The following PRKG1 variants were observed in gnomAD, a reference collection of about 807,000 sequenced individuals.
PRKG1 encodes cGMP-dependent protein kinase 1.
Under a neutral mutation model 88.1 loss-of-function variants are expected in PRKG1, and 35 were observed. The ratio of observed to expected loss-of-function variants is 0.40; its 90% CI spans 0.30 to 0.53. The LOEUF (loss-of-function observed/expected upper bound fraction) is 0.53, where lower values mean the gene tolerates loss of function less well. Ranked by LOEUF, PRKG1 falls within the 20% of genes least tolerant of loss-of-function variation. The pLI is 0.59. For missense variants in PRKG1, 540 were observed against 839.8 expected (o/e 0.64, Z 4.41); for synonymous variants, 303 against 292.5 (o/e 1.04, Z -0.37).
intron 8 of PRKG1, among the ~76,000 whole-genome samples, chr10:52,142,755 C>G (rs1564487784): frequency 6.6e-6 from 1 of 152,082 alleles, no homozygotes; most frequent in East Asian, 1.9e-4. Context: ...TAGCTCACTC[C>G]CCTCACATCC....
At chr10:51,821,474 A>G (rs900519669) in intron 4 of PRKG1, among the ~76,000 whole-genome samples, 7 of 152,124 alleles carry the variant, frequency 4.6e-5, no homozygotes, top group Middle Eastern at 3.2e-3. Context: ...AAAATATAAA[A>G]AAAGAGGTTT....
intron 3 of PRKG1, among the ~76,000 whole-genome samples, chr10:51,469,552 A>T (rs886887696): frequency 6.6e-6 from 1 of 151,866 alleles, no homozygotes; most frequent in Admixed American, 6.6e-5. Context: ...AGTTCTATAT[A>T]ATGATGTTCG....
At chr10:51,851,802 T>C (rs1840561776) in intron 4 of PRKG1, among the ~76,000 whole-genome samples, 2 of 152,140 alleles carry the variant, frequency 1.3e-5, no homozygotes, top group South Asian at 4.1e-4. Context: ...CTCACGTACA[T>C]TTTGCTACAC....
At chr10:51,281,458 C>G (rs571344361) in intron 2 of PRKG1, among the ~76,000 whole-genome samples, 2 of 152,190 alleles carry the variant, frequency 1.3e-5, no homozygotes, top group East Asian at 1.9e-4. Context: ...CACAGAGCCT[C>G]GCTCATTGCT....
At chr10:51,865,560 T>G (rs1261054789) in intron 4 of PRKG1, among the ~76,000 whole-genome samples, 1 of 152,068 alleles carries the variant, frequency 6.6e-6, no homozygotes, top group East Asian at 1.9e-4. Context: ...CTGCCTTATA[T>G]TAGAAAAAAA....
intron 2 of PRKG1, among the ~76,000 whole-genome samples, chr10:51,204,760 T>C (rs930402734): frequency 6.6e-6 from 1 of 152,136 alleles, no homozygotes; most frequent in African/African-American, 2.4e-5. Flanking sequence ...GTGTCATCCA[T>C]TGTCCTTGAG....
intron 2 of PRKG1, among the ~76,000 whole-genome samples, chr10:51,236,375 TGTCA>T (rs1401392631): frequency 6.6e-6 from 1 of 152,190 alleles, no homozygotes; most frequent in Non-Finnish European, 1.5e-5. Context: ...GTGTCTTTGT[TGTCA>T]GTATTTGTCA....
At chr10:51,096,804 A>G (rs562212847) in intron 1 of PRKG1, among the ~76,000 whole-genome samples, 10 of 152,286 alleles carry the variant, frequency 6.6e-5, no homozygotes, top group Non-Finnish European at 7.4e-5. Context: ...CCGCTAGCCC[A>G]GTGACTTTCA....
intron 3 of PRKG1, among the ~76,000 whole-genome samples, chr10:51,640,265 A>T (rs1387560635): frequency 6.6e-6 from 1 of 152,220 alleles, no homozygotes; most frequent in Non-Finnish European, 1.5e-5. Flanking sequence ...AGGAGTACCT[A>T]GAACATAAAT....
At chr10:51,588,977 G>A (rs995660936) in intron 3 of PRKG1, among the ~76,000 whole-genome samples, 4 of 151,968 alleles carry the variant, frequency 2.6e-5, no homozygotes, top group Non-Finnish European at 5.9e-5. Flanking sequence ...TTTGCATGCA[G>A]CTGTTTTTTT....
intron 3 of PRKG1, among the ~76,000 whole-genome samples, chr10:51,554,000 C>T (rs908419329): frequency 2.2e-5 from 3 of 135,856 alleles, no homozygotes; most frequent in Non-Finnish European, 4.8e-5. Flanking sequence ...GTATGTGATA[C>T]GTGCATATTA....
chr10:51,125,737 T>C (rs1845380194), intron 1 of PRKG1, among the ~76,000 whole-genome samples: 1 of 146,208 alleles, frequency 6.8e-6, no homozygotes, highest in East Asian at 2.0e-4. Flanking sequence ...AAATTATGTG[T>C]TTTTAAATAT....
chr10:51,848,060 C>G (rs924313535), intron 4 of PRKG1, among the ~76,000 whole-genome samples: 5 of 126 alleles, frequency 0.04, no homozygotes, highest in African/African-American at 0.12. Context: ...CAAGTGATAA[C>G]CGGGGACCAA....
intron 1 of PRKG1, among the ~76,000 whole-genome samples, chr10:51,000,684 C>T (rs1335616912): frequency 6.6e-6 from 1 of 151,982 alleles, no homozygotes; most frequent in Non-Finnish European, 1.5e-5. Flanking sequence ...ACAATCACAT[C>T]AAATCCATGC....
chr10:51,397,476 G>GA (rs1837611183), intron 2 of PRKG1, among the ~76,000 whole-genome samples: 1 of 152,086 alleles, frequency 6.6e-6, no homozygotes, highest in African/African-American at 2.4e-5. Flanking sequence ...CATGAAACAA[G>GA]AAAACCTCTT....
chr10:51,932,870 G>C (rs1408965633), intron 5 of PRKG1, among the ~76,000 whole-genome samples: 1 of 151,940 alleles, frequency 6.6e-6, no homozygotes, highest in African/African-American at 2.4e-5. Flanking sequence ...GTGAAGCGGG[G>C]GTTATCTCAG....
At chr10:51,640,024 T>C (rs181807384) in intron 3 of PRKG1, among the ~76,000 whole-genome samples, 52 of 152,252 alleles carry the variant, frequency 3.4e-4, no homozygotes, top group African/African-American at 1.2e-3. Flanking sequence ...GTTGTAAAGA[T>C]TAAAAGAGGT....
intron 3 of PRKG1, among the ~76,000 whole-genome samples, chr10:51,581,354 G>T (rs564882363): frequency 6.6e-6 from 1 of 152,232 alleles, no homozygotes; most frequent in East Asian, 1.9e-4. Flanking sequence ...AACAGGACGT[G>T]AAGCTAGACA....
intron 3 of PRKG1, among the ~76,000 whole-genome samples, chr10:51,542,987 A>G (rs553168467): frequency 6.6e-6 from 1 of 152,328 alleles, no homozygotes; most frequent in African/African-American, 2.4e-5. Flanking sequence ...TGTCAAACCC[A>G]TAAACAGGAG....
Sources: allele counts gnomAD v4.1 joint callset (sites outside exome capture counted in the v4.1 genomes callset), GRCh38; gene constraint gnomAD v4.1.1; transcripts MANE v1.5; gene names NCBI Gene and HGNC (gene_info 2026-07-23, HGNC 2026-07-21).